Variants in APPL2 observed in about 807,000 individuals in gnomAD.
APPL2 encodes adaptor protein, phosphotyrosine interacting with PH domain and leucine zipper 2.
Under a neutral mutation model 92.7 loss-of-function variants are expected in APPL2, and 84 were observed. The observed-to-expected ratio is 0.91, with a 90% CI of 0.76 to 1.09. APPL2 has a LOEUF of 1.09. Ranked by LOEUF, APPL2 falls within the 50% of genes least tolerant of loss-of-function variation. The pLI, the probability that APPL2 is intolerant of heterozygous loss-of-function variation, is 0.00. For synonymous variants in APPL2, 291 were observed against 291.0 expected (o/e 1.00, Z 0.00); for missense variants, 736 against 824.5 (o/e 0.89, Z 1.31).
At chr12:105,216,921 C>T in intron 4 of APPL2, 148 bp downstream of exon 4, 1 of 598,656 alleles carries the variant, frequency 1.7e-6, no homozygotes, top group Non-Finnish European at 3.0e-6. Context: ...TATAACCTCT[C>T]CTAGGAAAGG....
chr12:105,176,091 G>A lies in APPL2; in HGVS notation c.1813-9C>T, dbSNP rs764763548. Reference sequence around the variant, plus strand: ...TTAATAGCATAACATATCTGCAAAAGACAAGAAAAGTAGTGATTGGCAAAA... The same window carrying A: ...TTAATAGCATAACATATCTGCAAAAAACAAGAAAAGTAGTGATTGGCAAAA... On this transcript the variant is annotated splice_polypyrimidine_tract_variant and intron_variant, in intron 19 of 20. Transcript: ENST00000258530. 4.4e-6 allele frequency: 7 copies of A among 1,590,916 alleles called. No individual in the cohort carries two copies. The highest frequency in any genetic ancestry group is 2.3e-5 in the South Asian group (2 of 86,100).
At position 105,189,860 on chromosome 12, in the gene APPL2, C is replaced by T. The variant is rs538644778; in HGVS notation, c.1407-36G>A. The T allele has an allele frequency of 3.7e-6, 6 of 1,613,478 alleles. No individual in the cohort carries two copies. The Admixed American group carries it at 5.0e-5, about 13-fold the overall frequency. ...AGCCAGAGTTGAACAAACACGACAG[C>T]TGCAGCTAGAAGGGCACTTAACACT... On this transcript the variant is annotated intron_variant, in intron 15 of 20. Coordinates refer to ENST00000258530, the MANE Select transcript of APPL2 (RefSeq NM_018171.5).
chr12:105,200,519 G>C (rs1022146505), intron 9 of APPL2, among the ~76,000 whole-genome samples: 2 of 152,236 alleles, frequency 1.3e-5, no homozygotes, highest in Non-Finnish European at 2.9e-5. Context: ...GGAGGTGTGT[G>C]CTGAGGTGTG....
At chr12:105,178,942 G>A (rs1008632238) in intron 17 of APPL2, among the ~76,000 whole-genome samples, 2 of 152,086 alleles carry the variant, frequency 1.3e-5, no homozygotes, top group African/African-American at 2.4e-5. Flanking sequence ...TATTTTGTGG[G>A]TCACTTTCAG....
chr12:105,234,867 C>T (rs1028562211), intron 1 of APPL2, among the ~76,000 whole-genome samples: 2 of 151,946 alleles, frequency 1.3e-5, no homozygotes, highest in Admixed American at 6.6e-5. Flanking sequence ...AAAACACACA[C>T]ACAGCTTGCT....
At chr12:105,192,197 G>A (rs577902987) in intron 14 of APPL2, among the ~76,000 whole-genome samples, 3 of 152,188 alleles carry the variant, frequency 2.0e-5, no homozygotes, top group African/African-American at 4.8e-5. Context: ...AGTCCCACAG[G>A]TTTTACCTCC....
At chr12:105,224,990 G>C (rs2136075729) in intron 2 of APPL2, among the ~76,000 whole-genome samples, 1 of 152,180 alleles carries the variant, frequency 6.6e-6, no homozygotes, top group Non-Finnish European at 1.5e-5. Context: ...CTAGGATCAG[G>C]AGTTTTAAGA....
Position 105,197,917 on chromosome 12 carries a change from A to C in APPL2, c.900T>G (p.Leu300=). The change falls in exon 11 of 21, where the codon CTT becomes CTG. Residue 300 remains leucine, a synonymous_variant. Coordinates refer to ENST00000258530, the MANE Select transcript of APPL2 (RefSeq NM_018171.5). ...GATTCCCGCCTTGGGTGAAGAAATA[A>C]AGCCTCTCCCAGGTGGTGGTGACCA... is the stretch of plus-strand genomic sequence containing the variant. ...TGLVTTTWER[L]YFFTQGGNLM... 1 of 1,614,102 alleles carries C rather than the reference A, an allele frequency of 6.2e-7. No homozygotes were observed. The highest frequency in any genetic ancestry group is 8.5e-7 in the Non-Finnish European group (1 of 1,180,006).
chr12:105,229,277 G>C (rs542577209), intron 1 of APPL2, 54 bp from the exon 2 acceptor site: 2 of 1,502,454 alleles, frequency 1.3e-6, no homozygotes, highest in Non-Finnish European at 1.8e-6. Flanking sequence ...AAAAGTTACA[G>C]AGGAGGAGGA....
chr12:105,174,484 A>C, intron 20 of APPL2, 36 bp from the exon 21 acceptor site: 1 of 1,597,556 alleles, frequency 6.3e-7, no homozygotes, highest in Non-Finnish European at 8.5e-7. Flanking sequence ...AAAAAAGAAA[A>C]GGCTTAAGAT....
In APPL2 at chr12:105,206,954, G is replaced by T; in HGVS notation, c.621+107C>A. On this transcript the variant is annotated intron_variant, in intron 8 of 20. Coordinates refer to ENST00000258530, the MANE Select transcript of APPL2 (RefSeq NM_018171.5). Reference sequence around the variant, plus strand: ...CCCACAAAGTAGCCAGGGAGATTGTGCATTTATGTTTCTTTCTACGACGAT... The same window carrying T: ...CCCACAAAGTAGCCAGGGAGATTGTTCATTTATGTTTCTTTCTACGACGAT... The T allele has an allele frequency of 2.9e-6, 4 of 1,381,738 alleles. No individual in the cohort carries two copies. In the South Asian group the frequency reaches 5.8e-5, roughly 20 times the overall value. The allele number at this position is 1,381,738 out of a possible 1,614,324, so 85.6% of individuals were successfully genotyped here.
At position 105,173,651 on chromosome 12, in the gene APPL2, A is replaced by T. The variant is rs1885197457; in HGVS notation, c.*663T>A. 6.6e-6 allele frequency: 1 copy of T among 152,650 alleles called. No individual in the cohort carries two copies. Among genetic ancestry groups the T allele is most frequent in the East Asian group, 1.9e-4 (1 of 5,204 alleles). The allele number at this position is 152,650 out of a possible 1,614,324, so 9.5% of individuals were successfully genotyped here. On this transcript the variant is annotated 3_prime_UTR_variant, in exon 21 of 21. Coordinates refer to ENST00000258530, the MANE Select transcript of APPL2 (RefSeq NM_018171.5). ...TACCTAGGAGGACCTTAAACTTCTGAATGCTGGTTCAGTAAGGCTCCACTG... is the reference window on the plus strand; with the variant it reads ...TACCTAGGAGGACCTTAAACTTCTGTATGCTGGTTCAGTAAGGCTCCACTG...
intron 4 of APPL2, among the ~76,000 whole-genome samples, chr12:105,216,121 A>T (rs1889669010): frequency 6.6e-6 from 1 of 152,212 alleles, no homozygotes; most frequent in African/African-American, 2.4e-5. Context: ...TGTTTTTTAC[A>T]ATTAGAATTT....
rs961532046 is a variant in APPL2 at position 105,180,006 on chromosome 12, G to T, written c.1635-2744C>A. On this transcript the variant is annotated intron_variant, in intron 17 of 20. Transcript: ENST00000258530. Reference sequence around the variant, plus strand: ...ACCCCATTTGTCAATTTTGGCTTTTGTTGCCATTGCTTCTGGTGTTTTCAT... The same window carrying T: ...ACCCCATTTGTCAATTTTGGCTTTTTTTGCCATTGCTTCTGGTGTTTTCAT... Among the ~76,000 whole-genome samples, 6 of 152,280 alleles carry T rather than the reference G, an allele frequency of 3.9e-5. No individual in the cohort carries two copies. The East Asian group carries it at 1.2e-3, about 29-fold the overall frequency.
chr12:105,207,133 A>G lies in APPL2; in HGVS notation c.549T>C (p.Cys183=). 6.2e-7 allele frequency: 1 copy of G among 1,614,170 alleles called. No individual in the cohort carries two copies. Among genetic ancestry groups the G allele is most frequent in the Non-Finnish European group, 8.5e-7 (1 of 1,180,032 alleles). ...KQHLSSLQYY[C]ALNALQYRKQ... The stretch of plus-strand genomic sequence containing the variant: ...TTCTGTACTGCAGCGCGTTGAGGGC[A>G]CAGTAGTACTGAAGGGAGGAGAGGT... Residue 183 remains cysteine, a synonymous_variant, in exon 8 of 21, where the codon TGT becomes TGC. Coordinates refer to ENST00000258530, the MANE Select transcript of APPL2 (RefSeq NM_018171.5).
intron 2 of APPL2, among the ~76,000 whole-genome samples, chr12:105,228,462 AG>A (rs1462078436): frequency 6.6e-6 from 1 of 152,280 alleles, no homozygotes; most frequent in Non-Finnish European, 1.5e-5. Flanking sequence ...TAAGTCAGCA[AG>A]GAATCAACAA....
intron 19 of APPL2, 151 bp from the exon 20 acceptor site, chr12:105,176,233 C>A: frequency 1.5e-6 from 1 of 645,484 alleles, no homozygotes; most frequent in South Asian, 2.0e-5. Context: ...TCACATAGGG[C>A]CCGGGGCATT....
At chr12:105,199,652 G>T in intron 9 of APPL2, 121 bp from the exon 10 acceptor site, 1 of 1,061,640 alleles carries the variant, frequency 9.4e-7, no homozygotes, top group Non-Finnish European at 1.3e-6. Context: ...GGAGCTGCCA[G>T]CCTCCTACAG....
intron 4 of APPL2, among the ~76,000 whole-genome samples, chr12:105,211,845 G>A (rs987028506): frequency 2.0e-5 from 3 of 152,212 alleles, no homozygotes; most frequent in Non-Finnish European, 4.4e-5. Flanking sequence ...TAACGGCTAG[G>A]CGTGGTAGCT....
Sources: gnomAD v4.1 joint callset for allele counts (sites outside exome capture counted in the v4.1 genomes callset) on GRCh38, gnomAD v4.1.1 for gene constraint, MANE v1.5 for transcripts, NCBI Gene and HGNC (gene_info 2026-07-23, HGNC 2026-07-21) for gene names.